The following CDC42BPB variants were observed in gnomAD, a reference collection of about 807,000 sequenced individuals.
CDC42BPB encodes serine/threonine-protein kinase MRCK beta.
In CDC42BPB, 37 loss-of-function variants were observed where a neutral mutation model predicts 214.9. The observed-to-expected ratio is 0.17, with a 90% CI of 0.13 to 0.23. CDC42BPB has a LOEUF of 0.23. Ranked by LOEUF, CDC42BPB falls within the 10% of genes least tolerant of loss-of-function variation. The pLI is 1.00. For synonymous variants in CDC42BPB, 931 were observed against 884.0 expected (o/e 1.05, Z -0.94); for missense variants, 1,694 against 2,227.0 (o/e 0.76, Z 4.82).
intron 7 of CDC42BPB, 42 bp downstream of exon 7, chr14:102,983,514 T>C: frequency 6.3e-7 from 1 of 1,591,778 alleles, no homozygotes; most frequent in Non-Finnish European, 8.5e-7. Flanking sequence ...ACTTTAGGCC[T>C]GAGCCAGGTA....
At chr14:103,041,527 C>T (rs1048145557) in intron 1 of CDC42BPB, 233 of 1,386,570 alleles carry the variant, frequency 1.7e-4, no homozygotes, top group Middle Eastern at 7.2e-4. Flanking sequence ...GCAGCTGGCT[C>T]GTGGCCACAT....
chr14:103,050,516 T>C (rs928254789), intron 1 of CDC42BPB, among the ~76,000 whole-genome samples: 13 of 152,152 alleles, frequency 8.5e-5, no homozygotes, highest in African/African-American at 3.1e-4. Context: ...ATCCCAACAT[T>C]TGGGAGGCCA....
At chr14:103,029,714 CTG>C (rs1431320745) in intron 1 of CDC42BPB, among the ~76,000 whole-genome samples, 1 of 151,418 alleles carries the variant, frequency 6.6e-6, no homozygotes, top group African/African-American at 2.4e-5. Context: ...AAAAAATTAG[CTG>C]TGTGTGGTGG....
intron 1 of CDC42BPB, among the ~76,000 whole-genome samples, chr14:103,033,886 A>AGCCC (rs1046411743): frequency 1.3e-5 from 2 of 152,232 alleles, no homozygotes; most frequent in African/African-American, 2.4e-5. Context: ...CAGGAAAATC[A>AGCCC]GCCCCACGCC....
rs1413481732 is a variant in CDC42BPB, at chr14:103,001,253, A to G, written c.448-1540T>C. 6.6e-6 allele frequency among the ~76,000 whole-genome samples: 1 copy of G among 151,894 alleles called. No individual in the cohort carries two copies. Among genetic ancestry groups the G allele is most frequent in the African/African-American group, 2.4e-5 (1 of 41,334 alleles). ...TTTGTTCATTCGCTCGTGCACCCTCACTGTGGCCCCGCCAGCCCCTCTGGC... is the reference window on the plus strand; with the variant it reads ...TTTGTTCATTCGCTCGTGCACCCTCGCTGTGGCCCCGCCAGCCCCTCTGGC... On this transcript the variant is annotated intron_variant, in intron 4 of 36. Coordinates refer to ENST00000361246, the MANE Select transcript of CDC42BPB (RefSeq NM_006035.4). The surrounding 1 kb of genome is among the most constrained non-coding windows in gnomAD (Gnocchi z 5.8).
At chr14:102,972,789 C>G (rs35880350) in intron 12 of CDC42BPB, among the ~76,000 whole-genome samples, 1 of 148,412 alleles carries the variant, frequency 6.7e-6, no homozygotes, top group Non-Finnish European at 1.5e-5. Flanking sequence ...GAGGACGCTC[C>G]GTAATGTCAG....
intron 26 of CDC42BPB, 112 bp downstream of exon 26, chr14:102,949,653 A>C: frequency 7.3e-7 from 1 of 1,364,348 alleles, no homozygotes; most frequent in South Asian, 1.3e-5. Context: ...ACAATAATGA[A>C]GCAGGTGAAG....
chr14:102,975,636 G>A (rs1893701381), intron 11 of CDC42BPB, 48 bp downstream of exon 11: 3 of 1,587,318 alleles, frequency 1.9e-6, no homozygotes, highest in Admixed American at 3.4e-5. Context: ...TTTTAAGACA[G>A]TAATGACCAA....
At chr14:102,988,863 C>G (rs1314970673) in intron 5 of CDC42BPB, among the ~76,000 whole-genome samples, 1 of 138,524 alleles carries the variant, frequency 7.2e-6, no homozygotes, top group African/African-American at 2.7e-5. Flanking sequence ...CAAAACAACC[C>G]CCCCTTCCAA....
chr14:102,989,038 T>C (rs1383841300), intron 5 of CDC42BPB, among the ~76,000 whole-genome samples: 3 of 152,110 alleles, frequency 2.0e-5, no homozygotes, highest in Admixed American at 6.5e-5. Flanking sequence ...ATTTGTAATA[T>C]ATATTACAGA....
intron 9 of CDC42BPB, among the ~76,000 whole-genome samples, chr14:102,977,565 G>A (rs1472950164): frequency 6.6e-6 from 1 of 152,110 alleles, no homozygotes; most frequent in Non-Finnish European, 1.5e-5. Context: ...TTGCAAAGAG[G>A]CCCATTTGGG....
At chr14:102,984,869 T>A (rs927542999) in intron 6 of CDC42BPB, among the ~76,000 whole-genome samples, 2 of 152,200 alleles carry the variant, frequency 1.3e-5, no homozygotes, top group African/African-American at 4.8e-5. Flanking sequence ...AGCAGAGAAC[T>A]CCACCTCTAT....
At chr14:102,966,194 C>G in intron 18 of CDC42BPB, 88 bp downstream of exon 18, 1 of 1,009,876 alleles carries the variant, frequency 9.9e-7, no homozygotes, top group African/African-American at 1.6e-5. Context: ...ACTGTAATTC[C>G]CTAAATAGTA....
At position 103,045,838 on chromosome 14, in the gene CDC42BPB, T is replaced by C. The variant is rs1355671497; in HGVS notation, c.175+11161A>G. On this transcript the variant is annotated intron_variant, in intron 1 of 36. Transcript: ENST00000361246. ...ACTGCCACGAGCCTCAAGGACAACG[T>C]GAGCTCCAGGAGAACAGGAATTTTG... is the stretch of plus-strand genomic sequence containing the variant. 3.3e-5 allele frequency among the ~76,000 whole-genome samples: 5 copies of C among 152,266 alleles called. No individual in the cohort carries two copies. In the South Asian group the frequency reaches 8.3e-4, roughly 25 times the overall value.
At chr14:102,990,169 T>C (rs1894427483) in intron 5 of CDC42BPB, among the ~76,000 whole-genome samples, 1 of 152,166 alleles carries the variant, frequency 6.6e-6, no homozygotes, top group Non-Finnish European at 1.5e-5. Flanking sequence ...AAGTCTAAAA[T>C]GGAAAACTGA....
In CDC42BPB at chr14:102,968,944, C is replaced by G. The variant is rs35894441; in HGVS notation, c.1996-228G>C. ...TGTGCCCAGGTCTGCCTGGGACCCCCGAAGCTCTGCCCCACACCCTGTTCA... is the reference window on the plus strand; with the variant it reads ...TGTGCCCAGGTCTGCCTGGGACCCCGGAAGCTCTGCCCCACACCCTGTTCA... On this transcript the variant is annotated intron_variant, in intron 14 of 36. Transcript: ENST00000361246. The G allele has an allele frequency of 3.1e-6, 3 of 958,140 alleles. No individual in the cohort carries two copies. The African/African-American group carries it at 5.3e-5, about 17-fold the overall frequency. The allele number at this position is 958,140 out of a possible 1,614,324, so 59.4% of individuals were successfully genotyped here. A position where few individuals can be genotyped will look rare whatever the true frequency, so the allele number is the denominator to read the frequency against.
chr14:103,042,714 C>T (rs537076475), intron 1 of CDC42BPB, among the ~76,000 whole-genome samples: 6 of 152,104 alleles, frequency 3.9e-5, no homozygotes, highest in Non-Finnish European at 4.4e-5. Flanking sequence ...CAACAACATC[C>T]GCTATTAGGG....
At position 102,949,856 on chromosome 14, in the gene CDC42BPB, C is replaced by G; in HGVS notation, c.3358G>C (p.Val1120Leu). 6.2e-7 allele frequency: 1 copy of G among 1,613,694 alleles called. No individual in the cohort carries two copies. Among genetic ancestry groups the G allele is most frequent in the Non-Finnish European group, 8.5e-7 (1 of 1,180,016 alleles). The change falls in exon 26 of 37, where the codon GTC becomes CTC. Residue 1120 changes from valine to leucine, a missense_variant. Val to Leu is a conservative substitution (Grantham distance 32, BLOSUM62 1). Around this residue, in one of 7 missense-constraint regions of CDC42BPB, gnomAD observed 567 missense variants for 790.3 expected, o/e 0.72. Coordinates refer to ENST00000361246, the MANE Select transcript of CDC42BPB (RefSeq NM_006035.4). Reference protein sequence around the residue: ...VKKGWQRAYAVVCDCKLFLYD... With the variant: ...VKKGWQRAYALVCDCKLFLYD... ...AGGAAGAGCTTGCAGTCACAGACGA[C>G]TGCATATGCGCGCTGCCATCCCTTC...
chr14:103,018,344 A>G (rs1469402947), intron 1 of CDC42BPB, among the ~76,000 whole-genome samples: 1 of 152,186 alleles, frequency 6.6e-6, no homozygotes, highest in African/African-American at 2.4e-5. Context: ...ACTTTTCTGA[A>G]GTTTCAAACT....
Sources: gnomAD v4.1 joint callset for allele counts (sites outside exome capture counted in the v4.1 genomes callset) on GRCh38, gnomAD v4.1.1 for gene constraint, gnomAD v4.1.1 regional missense constraint, Gnocchi (gnomAD v3.1) non-coding constraint, MANE v1.5 for transcripts, NCBI Gene and HGNC (gene_info 2026-07-23, HGNC 2026-07-21) for gene names.